Variants in GRID2 observed in about 807,000 individuals in gnomAD.
The protein encoded by GRID2 is glutamate receptor ionotropic, delta-2.
In GRID2, 33 loss-of-function variants were observed where a neutral mutation model predicts 114.8. That is an observed-to-expected ratio of 0.29 (90% CI 0.22 to 0.38). GRID2 has a LOEUF of 0.38. Among genes scored for constraint, GRID2 ranks in the 10% least tolerant of loss-of-function variants. The pLI is 1.00. For missense variants in GRID2, 1,184 were observed against 1,257.7 expected (o/e 0.94, Z 0.89); for synonymous variants, 505 against 449.9 (o/e 1.12, Z -1.55).
intron 8 of GRID2, among the ~76,000 whole-genome samples, chr4:93,311,631 A>T (rs1433646): frequency 0.34 from 52,195 of 152,068 alleles, 9,378 homozygotes; most frequent in Admixed American, 0.4. Flanking sequence ...AGATTAGCAC[A>T]GAGTATTGAG....
intron 10 of GRID2, among the ~76,000 whole-genome samples, chr4:93,453,316 A>AAG (rs3044025): frequency 0.037 from 4,675 of 127,004 alleles, 128 homozygotes; most frequent in African/African-American, 0.071. Flanking sequence ...AGAGATGGGA[A>AAG]AGAGAGAGAG....
At chr4:93,531,582 C>G (rs935270155) in intron 13 of GRID2, among the ~76,000 whole-genome samples, 3 of 152,006 alleles carry the variant, frequency 2.0e-5, no homozygotes, top group African/African-American at 7.2e-5. Context: ...GGGAGACAGA[C>G]AGTCTTTATT....
intron 2 of GRID2, among the ~76,000 whole-genome samples, chr4:92,632,960 C>T (rs1489744645): frequency 6.6e-6 from 1 of 152,062 alleles, no homozygotes; most frequent in Non-Finnish European, 1.5e-5. Context: ...TGCCAAGATA[C>T]AATGGGAAAA....
intron 2 of GRID2, among the ~76,000 whole-genome samples, chr4:93,024,884 C>A (rs1305720762): frequency 1.3e-5 from 2 of 151,438 alleles, no homozygotes; most frequent in Non-Finnish European, 3.0e-5. Context: ...TTTAATGCAA[C>A]AAGGAGGAAG....
chr4:92,590,494 AAATAT>A (rs1363482958), intron 2 of GRID2, among the ~76,000 whole-genome samples: 2 of 151,908 alleles, frequency 1.3e-5, no homozygotes, highest in Admixed American at 6.6e-5. Flanking sequence ...ATATTAATTG[AAATAT>A]AATATGAAAA....
chr4:92,633,460 T>G (rs1262919337), intron 2 of GRID2, among the ~76,000 whole-genome samples: 2 of 152,156 alleles, frequency 1.3e-5, no homozygotes, highest in Admixed American at 6.6e-5. Flanking sequence ...AGATTTTCAT[T>G]TTGTTAGATA....
At chr4:92,471,137 A>G (rs2149095732) in intron 1 of GRID2, among the ~76,000 whole-genome samples, 1 of 152,160 alleles carries the variant, frequency 6.6e-6, no homozygotes, top group Non-Finnish European at 1.5e-5. Context: ...TGTAAGAGCG[A>G]ATGGTACAGT....
chr4:92,543,360 T>A (rs1263929589), intron 1 of GRID2, among the ~76,000 whole-genome samples: 1 of 152,128 alleles, frequency 6.6e-6, no homozygotes, highest in East Asian at 1.9e-4. Flanking sequence ...CTATAGCACA[T>A]AATATTAAAA....
chr4:92,871,602 A>C (rs987357356), intron 2 of GRID2, among the ~76,000 whole-genome samples: 2 of 152,198 alleles, frequency 1.3e-5, no homozygotes, highest in Non-Finnish European at 1.5e-5. Context: ...TCATGAGTCA[A>C]GGAGCAGGGA....
chr4:93,229,246 T>A (rs947304344), intron 7 of GRID2, among the ~76,000 whole-genome samples: 2 of 152,138 alleles, frequency 1.3e-5, no homozygotes, highest in Non-Finnish European at 2.9e-5. Context: ...CTCCACACAT[T>A]AAGTGAGAAA....
rs908589690 is a variant in GRID2 at position 92,941,136 on chromosome 4, A to C, written c.245-143859A>C. On this transcript the variant is annotated intron_variant, in intron 2 of 15. Coordinates refer to ENST00000282020, the MANE Select transcript of GRID2 (RefSeq NM_001510.4). ...TTCTAATGATTGGAATAGTTTCAGA[A>C]GGAATGGTACCAGCTCCTCCTTGTA... is the stretch of plus-strand genomic sequence containing the variant. Among the ~76,000 whole-genome samples the C allele has an allele frequency of 4.6e-5, 7 of 152,344 alleles. 1 individual carries two copies. The highest frequency in any genetic ancestry group is 6.5e-5 in the Admixed American group (1 of 15,302).
At chr4:93,667,472 C>T (rs1029940527) in intron 14 of GRID2, among the ~76,000 whole-genome samples, 1 of 151,424 alleles carries the variant, frequency 6.6e-6, no homozygotes, top group Non-Finnish European at 1.5e-5. Context: ...CTTATCTTTA[C>T]TGCCTTTGAA....
intron 1 of GRID2, among the ~76,000 whole-genome samples, chr4:92,371,595 T>A (rs1269241703): frequency 6.6e-6 from 1 of 152,150 alleles, no homozygotes; most frequent in Non-Finnish European, 1.5e-5. Flanking sequence ...AACCTACTGC[T>A]CAGAAGAAAA....
chr4:92,979,630 A>G (rs971739026), intron 2 of GRID2, among the ~76,000 whole-genome samples: 5 of 152,184 alleles, frequency 3.3e-5, no homozygotes, highest in African/African-American at 9.6e-5. Flanking sequence ...TTTCCGATGT[A>G]ATTCAGACTA....
At chr4:93,421,650 A>G (rs1018685382) in intron 9 of GRID2, among the ~76,000 whole-genome samples, 1 of 152,172 alleles carries the variant, frequency 6.6e-6, no homozygotes, top group African/African-American at 2.4e-5. Flanking sequence ...CTACTGAGGC[A>G]AATGAAGCTC....
chr4:93,585,981 G>A (rs1737502277), intron 13 of GRID2, among the ~76,000 whole-genome samples: 1 of 151,946 alleles, frequency 6.6e-6, no homozygotes, highest in East Asian at 1.9e-4. Flanking sequence ...ACTTTCCTGT[G>A]GTGATTTTAC....
intron 8 of GRID2, among the ~76,000 whole-genome samples, chr4:93,357,566 A>C (rs988397925): frequency 6.6e-6 from 1 of 151,288 alleles, no homozygotes; most frequent in Non-Finnish European, 1.5e-5. Flanking sequence ...TTTGGTTTCC[A>C]AGTTTATTTT....
At chr4:93,783,841 G>A (rs1309085207) in intron 1 of GRID2, among the ~76,000 whole-genome samples, 2 of 151,770 alleles carry the variant, frequency 1.3e-5, no homozygotes, top group African/African-American at 2.4e-5. Flanking sequence ...GGGAGGCCGA[G>A]GTGGGCGGAT....
At chr4:93,048,602 T>C (rs780309424) in intron 2 of GRID2, among the ~76,000 whole-genome samples, 4 of 152,106 alleles carry the variant, frequency 2.6e-5, no homozygotes, top group African/African-American at 9.7e-5. Flanking sequence ...TAAAAATTAT[T>C]TGTGTGAAAG....
Sources: gnomAD v4.1 joint callset for allele counts (sites outside exome capture counted in the v4.1 genomes callset) on GRCh38, gnomAD v4.1.1 for gene constraint, MANE v1.5 for transcripts, NCBI Gene and HGNC (gene_info 2026-07-23, HGNC 2026-07-21) for gene names.